SPATS1: variants seen among roughly 807,000 people sequenced by gnomAD.
SPATS1 encodes spermatogenesis-associated serine-rich protein 1.
SPATS1 carries 23 observed loss-of-function variants against 33.6 expected under a neutral mutation model. The ratio of observed to expected loss-of-function variants is 0.68; its 90% CI spans 0.49 to 0.97. The LOEUF is 0.97. Ranked by LOEUF, SPATS1 falls within the 50% of genes least tolerant of loss-of-function variation. SPATS1 has a pLI of 0.00. For synonymous variants in SPATS1, 131 were observed against 125.6 expected (o/e 1.04, Z -0.29); for missense variants, 327 against 361.0 (o/e 0.91, Z 0.76).
chr6:44,376,944 C>A, intron 8 of SPATS1, 91 bp from the exon 9 acceptor site: 1 of 1,479,790 alleles, frequency 6.8e-7, no homozygotes, highest in Non-Finnish European at 9.4e-7. Flanking sequence ...GGGCAGATGT[C>A]ATAGCCAAGC....
chr6:44,348,841 A>T (rs560923193), intron 2 of SPATS1, among the ~76,000 whole-genome samples: 1 of 152,236 alleles, frequency 6.6e-6, no homozygotes, highest in African/African-American at 2.4e-5. Context: ...TCTACTAAAA[A>T]TACAAAAATT....
intron 2 of SPATS1, among the ~76,000 whole-genome samples, chr6:44,344,271 C>A (rs1412457927): frequency 6.6e-6 from 1 of 152,032 alleles, no homozygotes; most frequent in Admixed American, 6.6e-5. Flanking sequence ...AATGAAAGAC[C>A]CATGGTGTCC....
intron 3 of SPATS1, among the ~76,000 whole-genome samples, chr6:44,358,215 T>G (rs1417096943): frequency 2.0e-5 from 3 of 152,180 alleles, no homozygotes; most frequent in African/African-American, 7.2e-5. Flanking sequence ...GTTGCTTTGA[T>G]GCCATTTAAA....
intron 5 of SPATS1, among the ~76,000 whole-genome samples, chr6:44,362,252 A>G (rs554465039): frequency 6.6e-6 from 1 of 152,226 alleles, no homozygotes; most frequent in Non-Finnish European, 1.5e-5. Flanking sequence ...GTCATCAGAT[A>G]AGTTCTCTCA....
At chr6:44,352,261 G>A (rs1409439902) in intron 2 of SPATS1, among the ~76,000 whole-genome samples, 2 of 152,128 alleles carry the variant, frequency 1.3e-5, no homozygotes, top group Non-Finnish European at 2.9e-5. Flanking sequence ...CTCCCAAATA[G>A]CTGGGATTAC....
At chr6:44,344,700 T>TA (rs11430663) in intron 2 of SPATS1, among the ~76,000 whole-genome samples, 122,455 of 151,848 alleles carry the variant, frequency 0.81, 49,760 homozygotes, top group African/African-American at 0.88. Context: ...TATTCCTGCC[T>TA]AAAAAAATGG....
rs1479505289 is a variant in SPATS1 at position 44,379,137 on chromosome 6, C to T, written c.*2074C>T. Among the ~76,000 whole-genome samples, 3 of 151,946 alleles carry T rather than the reference C, an allele frequency of 2.0e-5. No individual in the cohort carries two copies. The highest frequency in any genetic ancestry group is 4.4e-5 in the Non-Finnish European group (3 of 68,000). On this transcript the variant is annotated 3_prime_UTR_variant, in exon 9 of 9. Coordinates refer to ENST00000674044, the MANE Select transcript of SPATS1 (RefSeq NM_001372081.1). Reference sequence around the variant, plus strand: ...CCCCACCCCTAAAAAAAAAAGTCAACTGCAACCACCAGGTGGGTTAGTAAT... The same window carrying T: ...CCCCACCCCTAAAAAAAAAAGTCAATTGCAACCACCAGGTGGGTTAGTAAT...
chr6:44,376,442 A>G lies in SPATS1; in HGVS notation c.843A>G (p.Ala281=). 6.2e-7 allele frequency: 1 copy of G among 1,611,666 alleles called. No individual in the cohort carries two copies. The highest frequency in any genetic ancestry group is 8.5e-7 in the Non-Finnish European group (1 of 1,179,092). Residue 281 remains alanine, a synonymous_variant, in exon 8 of 9, where the codon GCA becomes GCG. Transcript: ENST00000674044. ...EVEELDNWQP[A]VPLMHMLHLS... ...AGGAGCTTGACAACTGGCAGCCAGC[A>G]GTGCCCTTAATGCACATGCTACACC...
chr6:44,369,122 T>C (rs1789435107), intron 6 of SPATS1, among the ~76,000 whole-genome samples: 1 of 152,146 alleles, frequency 6.6e-6, no homozygotes, highest in Non-Finnish European at 1.5e-5. Flanking sequence ...GGTCTTGATC[T>C]CCTGACCTCG....
At chr6:44,359,621 G>A (rs1032776645) in intron 3 of SPATS1, among the ~76,000 whole-genome samples, 7 of 152,040 alleles carry the variant, frequency 4.6e-5, no homozygotes, top group African/African-American at 1.7e-4. Context: ...TTGTTGCCCA[G>A]GCTGGAGTGC....
chr6:44,350,762 C>T (rs936737143), intron 2 of SPATS1, among the ~76,000 whole-genome samples: 4 of 152,170 alleles, frequency 2.6e-5, no homozygotes, highest in Admixed American at 1.3e-4. Context: ...ATAGTTTACA[C>T]TATACAGTCA....
At chr6:44,345,137 C>T (rs1008477940) in intron 2 of SPATS1, among the ~76,000 whole-genome samples, 2 of 152,078 alleles carry the variant, frequency 1.3e-5, no homozygotes, top group African/African-American at 2.4e-5. Flanking sequence ...CTTGCAATTC[C>T]AGCTTCTCTT....
At chr6:44,348,133 T>A (rs545467581) in intron 2 of SPATS1, among the ~76,000 whole-genome samples, 1 of 152,040 alleles carries the variant, frequency 6.6e-6, no homozygotes, top group South Asian at 2.1e-4. Flanking sequence ...CTCAGCCTCC[T>A]GAGTAACGGG....
chr6:44,370,507 A>T lies in SPATS1; in HGVS notation c.758+394A>T, dbSNP rs1789539284. The stretch of plus-strand genomic sequence containing the variant: ...CAAGAGGCAGAAAGAAAGCTAACAG[A>T]GCACTTCTGTGTTTGAGGGAAATAT... On this transcript the variant is annotated intron_variant, in intron 7 of 8. Transcript: ENST00000674044. Among the ~76,000 whole-genome samples the T allele has an allele frequency of 2.0e-5, 3 of 152,158 alleles. No individual in the cohort carries two copies. The South Asian group carries it at 6.2e-4, about 32-fold the overall frequency.
intron 3 of SPATS1, among the ~76,000 whole-genome samples, chr6:44,358,792 T>G (rs1169304446): frequency 2.6e-5 from 4 of 152,196 alleles, no homozygotes; most frequent in South Asian, 2.1e-4. Context: ...ATTTCAGACA[T>G]GTAATATTAA....
chr6:44,367,026 A>T (rs1475411798), intron 5 of SPATS1, among the ~76,000 whole-genome samples: 2 of 151,992 alleles, frequency 1.3e-5, no homozygotes, highest in African/African-American at 2.4e-5. Context: ...TTGTCACCCA[A>T]CTCTTACTTG....
At chr6:44,375,435 G>A (rs773104072) in intron 7 of SPATS1, among the ~76,000 whole-genome samples, 5 of 152,170 alleles carry the variant, frequency 3.3e-5, no homozygotes, top group Admixed American at 6.6e-5. Flanking sequence ...AGGACATCAG[G>A]GGAGGAACTA....
At chr6:44,366,128 T>TATATA (rs11434378) in intron 5 of SPATS1, among the ~76,000 whole-genome samples, 26 of 120,388 alleles carry the variant, frequency 2.2e-4, no homozygotes, top group Middle Eastern at 4.0e-3. Flanking sequence ...TATATATATA[T>TATATA]TTTTTTTTTT....
chr6:44,367,247 C>G (rs1306220705), intron 5 of SPATS1, among the ~76,000 whole-genome samples: 1 of 152,232 alleles, frequency 6.6e-6, no homozygotes, highest in South Asian at 2.1e-4. Flanking sequence ...GCCACCACAC[C>G]CAGCTAATTT....
Sources: allele counts gnomAD v4.1 joint callset (sites outside exome capture counted in the v4.1 genomes callset), GRCh38; gene constraint gnomAD v4.1.1; transcripts MANE v1.5; gene names NCBI Gene and HGNC (gene_info 2026-07-23, HGNC 2026-07-21).